The following ROBO1 variants were observed in gnomAD, a reference collection of about 807,000 sequenced individuals.
ROBO1 encodes the protein roundabout homolog 1.
A neutral mutation model predicts 195.9 loss-of-function variants in ROBO1; 149 were observed. That is an observed-to-expected ratio of 0.76 (90% CI 0.67 to 0.87). The LOEUF (loss-of-function observed/expected upper bound fraction) is 0.87. ROBO1 is among the 40% of genes least tolerant of loss of function. The pLI is 0.00. For missense variants in ROBO1, 1,933 were observed against 2,068.3 expected (o/e 0.93, Z 1.27); for synonymous variants, 816 against 733.2 (o/e 1.11, Z -1.82).
At chr3:79,099,758 A>G (rs2079641166) in intron 3 of ROBO1, among the ~76,000 whole-genome samples, 1 of 151,868 alleles carries the variant, frequency 6.6e-6, no homozygotes, top group Non-Finnish European at 1.5e-5. Flanking sequence ...AAATGGGAGT[A>G]TATATTGCCT....
rs952765742 is a variant in ROBO1 at position 79,391,122 on chromosome 3, C to CAA, written c.88+198700_88+198701dup. Among the ~76,000 whole-genome samples, 103 of 100,788 alleles carry CAA rather than the reference C, an allele frequency of 1.0e-3. 1 individual carries two copies. The highest frequency in any genetic ancestry group is 5.6e-3 in the Middle Eastern group (1 of 178). 66.1% of individuals were successfully genotyped at this position (100,788 alleles called of 152,430 possible). Reference sequence around the variant, plus strand: ...TAATATAGCAGGACCCTGTCTCTACCAAAAAAAAAAAAAAAAAAAATTTGG... The same window carrying CAA: ...TAATATAGCAGGACCCTGTCTCTACCAAAAAAAAAAAAAAAAAAAAAATTTGG... On this transcript the variant is annotated intron_variant, in intron 2 of 30. Coordinates refer to ENST00000464233, the MANE Select transcript of ROBO1 (RefSeq NM_002941.4).
intron 3 of ROBO1, among the ~76,000 whole-genome samples, chr3:78,952,084 G>GA (rs2107780023): frequency 6.6e-6 from 1 of 151,516 alleles, no homozygotes; most frequent in East Asian, 1.9e-4. Context: ...TTAACAGACA[G>GA]AAAAAACAGT....
chr3:79,067,027 A>G (rs1401025555), intron 3 of ROBO1, among the ~76,000 whole-genome samples: 1 of 151,950 alleles, frequency 6.6e-6, no homozygotes, highest in African/African-American at 2.4e-5. Flanking sequence ...CTGACTAGAT[A>G]CCATTAAAAA....
chr3:79,139,610 A>G (rs2080481352), intron 2 of ROBO1, among the ~76,000 whole-genome samples: 1 of 152,156 alleles, frequency 6.6e-6, no homozygotes, highest in Non-Finnish European at 1.5e-5. Flanking sequence ...AAAATCCTCA[A>G]ATCAAATCCT....
rs1318222437 is a variant in ROBO1, at chr3:79,589,864, G to A, written c.48C>T (p.Ser16=). ...CCAGAAACAGGTGATTTGGGGATAA[G>A]CTGAGGAGTGATATCATGACCAAAA... ...VPFLVMISLL[S]LSPNHLFLAQ... Residue 16 remains serine, a synonymous_variant, in exon 2 of 31, where the codon AGC becomes AGT. Coordinates refer to ENST00000464233, the MANE Select transcript of ROBO1 (RefSeq NM_002941.4). 12 of 1,611,092 alleles carry A rather than the reference G, an allele frequency of 7.4e-6. No homozygotes were observed. The highest frequency in any genetic ancestry group is 1.7e-5 in the Admixed American group (1 of 59,800).
rs753916660 is a variant in ROBO1, at chr3:79,589,837, G to T, written c.75C>A (p.Ala25=). 13 of 1,610,408 alleles carry T rather than the reference G, an allele frequency of 8.1e-6. No homozygotes were observed. Among genetic ancestry groups the T allele is most frequent in the Non-Finnish European group, 1.0e-5 (12 of 1,177,452 alleles). ...CACAGCACTTACCTGGAATAAGCTG[G>T]GCCAGAAACAGGTGATTTGGGGATA... is the stretch of plus-strand genomic sequence containing the variant. ...LSLSPNHLFL[A]QLIPDPEDVE... is the part of the protein sequence containing the mutation. The change falls in exon 2 of 31, where the codon GCC becomes GCA. Residue 25 remains alanine, a synonymous_variant. Coordinates refer to ENST00000464233, the MANE Select transcript of ROBO1 (RefSeq NM_002941.4).
chr3:79,289,542 C>T (rs937713952), intron 2 of ROBO1, among the ~76,000 whole-genome samples: 4 of 152,138 alleles, frequency 2.6e-5, no homozygotes, highest in Non-Finnish European at 4.4e-5. Flanking sequence ...TATTAAGGCA[C>T]AGTTGTAGCT....
chr3:79,419,026 G>A lies in ROBO1; in HGVS notation c.88+170798C>T, dbSNP rs2038116554. On this transcript the variant is annotated intron_variant, in intron 2 of 30. Coordinates refer to ENST00000464233, the MANE Select transcript of ROBO1 (RefSeq NM_002941.4). ...AAAAGACCTACACGTGCATTTGCAAGGCTGTGTCCAGAGGGCCATGTGTGG... is the reference window on the plus strand; with the variant it reads ...AAAAGACCTACACGTGCATTTGCAAAGCTGTGTCCAGAGGGCCATGTGTGG... Among the ~76,000 whole-genome samples the A allele has an allele frequency of 2.0e-5, 3 of 152,118 alleles. No individual in the cohort carries two copies. The South Asian group carries it at 6.2e-4, about 31-fold the overall frequency.
At chr3:79,642,209 T>A (rs544178707) in intron 1 of ROBO1, among the ~76,000 whole-genome samples, 12 of 152,262 alleles carry the variant, frequency 7.9e-5, no homozygotes, top group African/African-American at 2.9e-4. Flanking sequence ...GAAGACAGAT[T>A]ATTTGAAAAT....
intron 2 of ROBO1, among the ~76,000 whole-genome samples, chr3:79,189,800 A>G (rs1313707495): frequency 6.6e-6 from 1 of 151,734 alleles, no homozygotes; most frequent in Non-Finnish European, 1.5e-5. Context: ...TTAGTTTAAG[A>G]TGAAACAGTT....
chr3:79,121,822 T>C (rs944470522), intron 3 of ROBO1, among the ~76,000 whole-genome samples: 3 of 151,972 alleles, frequency 2.0e-5, no homozygotes, highest in Non-Finnish European at 4.4e-5. Context: ...AAAGGAATAA[T>C]GTTAAATTCC....
chr3:79,417,323 G>C (rs1296434697), intron 2 of ROBO1, among the ~76,000 whole-genome samples: 1 of 152,070 alleles, frequency 6.6e-6, no homozygotes, highest in Non-Finnish European at 1.5e-5. Flanking sequence ...AAGAAACTGA[G>C]GGTTAGTCCA....
intron 2 of ROBO1, among the ~76,000 whole-genome samples, chr3:79,244,323 T>G (rs1386752077): frequency 6.6e-6 from 1 of 152,116 alleles, no homozygotes; most frequent in Non-Finnish European, 1.5e-5. Context: ...TATTATGCAA[T>G]GAAATAGTAA....
chr3:79,071,734 A>ACGCG (rs757596634), intron 3 of ROBO1, among the ~76,000 whole-genome samples: 20,389 of 147,560 alleles, frequency 0.14, 2,339 homozygotes, highest in African/African-American at 0.33. Context: ...GCACACACAC[A>ACGCG]CACACGCACA....
At chr3:79,512,026 G>A (rs1025696887) in intron 2 of ROBO1, among the ~76,000 whole-genome samples, 3 of 151,992 alleles carry the variant, frequency 2.0e-5, no homozygotes, top group Admixed American at 6.6e-5. Context: ...CCCATAACAC[G>A]TTTACCTTTG....
At chr3:79,117,123 T>TC in intron 3 of ROBO1, among the ~76,000 whole-genome samples, 1 of 152,070 alleles carries the variant, frequency 6.6e-6, no homozygotes, top group East Asian at 2.0e-4. Context: ...TCCCAGCATT[T>TC]TGGGGGGCCA....
At chr3:79,082,852 C>T (rs1468665177) in intron 3 of ROBO1, among the ~76,000 whole-genome samples, 1 of 152,020 alleles carries the variant, frequency 6.6e-6, no homozygotes, top group Non-Finnish European at 1.5e-5. Flanking sequence ...TGGAGAGAGG[C>T]AGGTTGATGG....
At chr3:79,732,657 C>T (rs1022802828) in intron 1 of ROBO1, among the ~76,000 whole-genome samples, 5 of 152,100 alleles carry the variant, frequency 3.3e-5, no homozygotes, top group South Asian at 2.1e-4. Flanking sequence ...CAAAATTCAC[C>T]GGGCACTTTT....
chr3:79,628,778 C>A (rs935945070), intron 1 of ROBO1, among the ~76,000 whole-genome samples: 1 of 151,982 alleles, frequency 6.6e-6, no homozygotes, highest in Non-Finnish European at 1.5e-5. Flanking sequence ...AAGGCACCCA[C>A]AGACTAAAAG....
Sources: allele counts gnomAD v4.1 joint callset (sites outside exome capture counted in the v4.1 genomes callset), GRCh38; gene constraint gnomAD v4.1.1; transcripts MANE v1.5; gene names NCBI Gene and HGNC (gene_info 2026-07-23, HGNC 2026-07-21).